Variants in LRRC4C observed in about 807,000 individuals in gnomAD.
The protein encoded by LRRC4C is leucine-rich repeat-containing protein 4C.
In LRRC4C, 5 loss-of-function variants were observed where a neutral mutation model predicts 33.6. That is an observed-to-expected ratio of 0.15 (90% CI 0.08 to 0.31). The LOEUF (loss-of-function observed/expected upper bound fraction) is 0.31. Ranked by LOEUF, LRRC4C falls within the 10% of genes least tolerant of loss-of-function variation. LRRC4C has a pLI of 1.00. For synonymous variants in LRRC4C, 329 were observed against 302.0 expected (o/e 1.09, Z -0.93); for missense variants, 560 against 796.7 (o/e 0.70, Z 3.58).
chr11:40,274,438 C>T (rs1276339052), intron 4 of LRRC4C, among the ~76,000 whole-genome samples: 2 of 150,428 alleles, frequency 1.3e-5, no homozygotes, highest in Non-Finnish European at 3.0e-5. Context: ...CACACACACA[C>T]ACACACACAC....
intron 2 of LRRC4C, among the ~76,000 whole-genome samples, chr11:40,874,736 A>G (rs1341998360): frequency 6.6e-6 from 1 of 152,184 alleles, no homozygotes; most frequent in Non-Finnish European, 1.5e-5. Flanking sequence ...ATCTATAGAG[A>G]TTCGGGTTCA....
chr11:41,014,984 G>A (rs1042698029), intron 1 of LRRC4C, among the ~76,000 whole-genome samples: 1 of 152,108 alleles, frequency 6.6e-6, no homozygotes, highest in East Asian at 1.9e-4. Context: ...AAAAGATTAC[G>A]AGCAATTTAT....
chr11:40,812,884 A>G (rs2135399736), intron 2 of LRRC4C, among the ~76,000 whole-genome samples: 1 of 152,320 alleles, frequency 6.6e-6, no homozygotes, highest in South Asian at 2.1e-4. Context: ...TGAGCAAGTG[A>G]ATCTGAAAGA....
chr11:40,659,819 G>A (rs1021582356), intron 2 of LRRC4C, among the ~76,000 whole-genome samples: 5 of 152,130 alleles, frequency 3.3e-5, no homozygotes, highest in African/African-American at 9.7e-5. Context: ...TCTGTCACTC[G>A]AGAAAACTCC....
chr11:40,477,284 A>G (rs1280888711), intron 3 of LRRC4C, among the ~76,000 whole-genome samples: 2 of 151,788 alleles, frequency 1.3e-5, no homozygotes, highest in African/African-American at 4.8e-5. Context: ...AAATGGTGCT[A>G]CTGAGTTTGA....
At chr11:40,432,983 T>C (rs1370369561) in intron 3 of LRRC4C, among the ~76,000 whole-genome samples, 1 of 152,188 alleles carries the variant, frequency 6.6e-6, no homozygotes, top group Non-Finnish European at 1.5e-5. Flanking sequence ...AAATAATAAA[T>C]GTTCCTTGTA....
chr11:41,280,582 T>C (rs1427501576), intron 1 of LRRC4C, among the ~76,000 whole-genome samples: 1 of 152,220 alleles, frequency 6.6e-6, no homozygotes, highest in Non-Finnish European at 1.5e-5. Flanking sequence ...CAGATATCAT[T>C]ATAGACAAAT....
intron 3 of LRRC4C, among the ~76,000 whole-genome samples, chr11:40,391,605 GTC>G (rs2137453621): frequency 6.6e-6 from 1 of 152,282 alleles, no homozygotes; most frequent in East Asian, 1.9e-4. Flanking sequence ...TATTGTTTGA[GTC>G]TACGTATTCA....
chr11:40,743,933 C>T (rs72896702), intron 2 of LRRC4C, among the ~76,000 whole-genome samples: 18,244 of 152,078 alleles, frequency 0.12, 1,475 homozygotes, highest in East Asian at 0.41. Context: ...TCCAACACAG[C>T]TTTGCATTGT....
At chr11:40,189,432 A>G (rs1861655947) in intron 5 of LRRC4C, among the ~76,000 whole-genome samples, 1 of 152,288 alleles carries the variant, frequency 6.6e-6, no homozygotes, top group South Asian at 2.1e-4. Flanking sequence ...TTGGTTTTAT[A>G]GTTAGGAAGA....
chr11:40,452,991 T>G (rs139339740), intron 3 of LRRC4C, among the ~76,000 whole-genome samples: 1 of 123,316 alleles, frequency 8.1e-6, no homozygotes. Flanking sequence ...TGAGAACACA[T>G]GGACACAGGA....
chr11:41,197,020 C>A (rs1194756435), intron 1 of LRRC4C, among the ~76,000 whole-genome samples: 1 of 151,902 alleles, frequency 6.6e-6, no homozygotes, highest in East Asian at 1.9e-4. Flanking sequence ...ATTTCCCCAG[C>A]CTAAACATTA....
At chr11:40,774,542 T>C (rs749098242) in intron 2 of LRRC4C, among the ~76,000 whole-genome samples, 5 of 152,118 alleles carry the variant, frequency 3.3e-5, no homozygotes, top group Non-Finnish European at 5.9e-5. Context: ...AATCATGACA[T>C]TAAAGACACT....
intron 1 of LRRC4C, among the ~76,000 whole-genome samples, chr11:41,072,301 A>T (rs1440722947): frequency 1.5e-3 from 1 of 682 alleles, no homozygotes; most frequent in East Asian, 0.25. Flanking sequence ...TCCACTGGCA[A>T]AAAGATTATG....
rs547631225 is a variant in LRRC4C at position 40,253,487 on chromosome 11, C to T, written c.-175-11889G>A. 7.9e-5 allele frequency among the ~76,000 whole-genome samples: 12 copies of T among 152,184 alleles called. No homozygotes were observed. In the South Asian group the frequency reaches 2.5e-3, roughly 32 times the overall value. ...AGACTTGTTACTCAATCTCAATAAG[C>T]CTCAGTTAACTGTAAAATGAGCATA... On this transcript the variant is annotated intron_variant, in intron 4 of 6. Coordinates refer to ENST00000528697, the MANE Select transcript of LRRC4C (RefSeq NM_001258419.2).
At chr11:41,375,012 A>C (rs1314775745) in intron 1 of LRRC4C, among the ~76,000 whole-genome samples, 1 of 152,084 alleles carries the variant, frequency 6.6e-6, no homozygotes, top group Non-Finnish European at 1.5e-5. Flanking sequence ...CTATGGTCCC[A>C]GCTACTTGAG....
rs148871360 is a variant in LRRC4C at position 40,141,214 on chromosome 11, AG to A, written c.-95-362del. Among the ~76,000 whole-genome samples the A allele has an allele frequency of 6.7e-3, 1,014 of 152,306 alleles. 19 individuals carry two copies. Among genetic ancestry groups the A allele is most frequent in the African/African-American group, 0.023 (974 of 41,546 alleles). On this transcript the variant is annotated intron_variant, in intron 5 of 6. Transcript: ENST00000528697. ...AATGCATTATAATGATGGATAGGAA[AG>A]GGTTAAATAGAAAACTCAATTATTA...
At chr11:40,311,205 G>T (rs1192331487) in intron 4 of LRRC4C, among the ~76,000 whole-genome samples, 2 of 152,060 alleles carry the variant, frequency 1.3e-5, no homozygotes, top group African/African-American at 4.8e-5. Context: ...TTTCTCTCCT[G>T]CAGTATGGCA....
chr11:40,411,505 T>C (rs1950154883), intron 3 of LRRC4C, among the ~76,000 whole-genome samples: 2 of 152,104 alleles, frequency 1.3e-5, no homozygotes, highest in Non-Finnish European at 1.5e-5. Flanking sequence ...AATGTATTTA[T>C]TTCTTCTTTT....
Sources: gnomAD v4.1 joint callset for allele counts (sites outside exome capture counted in the v4.1 genomes callset) on GRCh38, gnomAD v4.1.1 for gene constraint, MANE v1.5 for transcripts, NCBI Gene and HGNC (gene_info 2026-07-23, HGNC 2026-07-21) for gene names.